LYN: variants seen among roughly 807,000 people sequenced by gnomAD.
LYN encodes the protein LYN proto-oncogene, Src family tyrosine kinase.
LYN carries 12 observed loss-of-function variants against 65.0 expected under a neutral mutation model. The observed-to-expected ratio is 0.18, with a 90% CI of 0.12 to 0.30. The LOEUF (loss-of-function observed/expected upper bound fraction) is 0.30. Among genes scored for constraint, LYN ranks in the 10% least tolerant of loss-of-function variants. LYN has a pLI of 1.00. For missense variants in LYN, 380 were observed against 623.2 expected, an observed-to-expected ratio of 0.61 and a Z score of 4.16; for synonymous variants, 222 against 221.2, an observed-to-expected ratio of 1.00 and a Z score of -0.03.
chr8:55,896,242 C>T (rs532209016), intron 1 of LYN, among the ~76,000 whole-genome samples: 14 of 151,328 alleles, frequency 9.3e-5, no homozygotes, highest in Non-Finnish European at 1.6e-4. Context: ...TGCACTCCAG[C>T]CTGGGTAGCA....
At chr8:55,936,400 G>A (rs1370941933) in intron 1 of LYN, among the ~76,000 whole-genome samples, 1 of 152,058 alleles carries the variant, frequency 6.6e-6, no homozygotes, top group Non-Finnish European at 1.5e-5. Flanking sequence ...AGCACTTTGG[G>A]AGGCTCACGT....
At chr8:55,924,184 A>G (rs1806026628) in intron 1 of LYN, among the ~76,000 whole-genome samples, 1 of 151,980 alleles carries the variant, frequency 6.6e-6, no homozygotes, top group Admixed American at 6.6e-5. Flanking sequence ...AGTACCTCTC[A>G]CGATGTGTGA....
intron 12 of LYN, among the ~76,000 whole-genome samples, chr8:56,003,078 G>A (rs1196247435): frequency 1.0e-5 from 1 of 95,544 alleles, no homozygotes; most frequent in Non-Finnish European, 2.1e-5. Context: ...TTTTTTTTTT[G>A]AGACAGAATC....
chr8:55,978,535 A>G lies in LYN; in HGVS notation c.1050+8742A>G, dbSNP rs116545958. Among the ~76,000 whole-genome samples the G allele has an allele frequency of 8.2e-3, 1,254 of 152,272 alleles. 22 individuals are homozygous for G. Among genetic ancestry groups the G allele is most frequent in the African/African-American group, 0.029 (1,202 of 41,538 alleles). On this transcript the variant is annotated intron_variant, in intron 10 of 12. Coordinates refer to ENST00000519728, the MANE Select transcript of LYN (RefSeq NM_002350.4). ...TAGGGGTCTGGGGCTAGAGGCTTCAAGGAGGCTGGTGCTGCAGACAGTCAT... is the reference window on the plus strand; with the variant it reads ...TAGGGGTCTGGGGCTAGAGGCTTCAGGGAGGCTGGTGCTGCAGACAGTCAT...
rs1474955849 is a variant in LYN, at chr8:55,942,347, ATATATATGTG to A, written c.132+364_132+373del. Reference sequence around the variant, plus strand: ...TATATATGTGTATATATATATGTGTATATATATGTGTATATATATGTGTATATATATGTGT... The same window carrying A: ...TATATATGTGTATATATATATGTGTATATATATATGTGTATATATATGTGT... On this transcript the variant is annotated intron_variant, in intron 2 of 12. Transcript: ENST00000519728. Among the ~76,000 whole-genome samples the A allele has an allele frequency of 7.8e-4, 114 of 145,762 alleles. 1 individual carries two copies. The highest frequency in any genetic ancestry group is 3.6e-3 in the Middle Eastern group (1 of 276).
intron 1 of LYN, 78 bp from the exon 2 acceptor site, chr8:55,941,775 CTT>C: frequency 2.0e-6 from 2 of 1,023,840 alleles, no homozygotes; most frequent in Non-Finnish European, 2.9e-6. Flanking sequence ...TTTTTCTACT[CTT>C]TTTTATTGGA....
chr8:55,986,878 A>G (rs1396315473), intron 10 of LYN, among the ~76,000 whole-genome samples: 1 of 152,156 alleles, frequency 6.6e-6, no homozygotes, highest in Non-Finnish European at 1.5e-5. Flanking sequence ...AGCATGTGCC[A>G]CTACACCCGG....
intron 1 of LYN, among the ~76,000 whole-genome samples, chr8:55,916,213 G>A (rs1661990733): frequency 6.6e-6 from 1 of 152,060 alleles, no homozygotes; most frequent in Non-Finnish European, 1.5e-5. Context: ...GTATTTGATT[G>A]GTTTTAAAGA....
intron 1 of LYN, among the ~76,000 whole-genome samples, chr8:55,892,715 G>T (rs540764513): frequency 6.6e-6 from 1 of 152,200 alleles, no homozygotes; most frequent in East Asian, 1.9e-4. Context: ...GCCAAAGAAA[G>T]AATATTTCTG....
At chr8:55,952,784 T>TTG (rs1051933037) in intron 7 of LYN, among the ~76,000 whole-genome samples, 16 of 152,030 alleles carry the variant, frequency 1.1e-4, no homozygotes, top group East Asian at 3.9e-4. Context: ...AGATCTGTGT[T>TTG]TGTGTGTGTG....
chr8:55,885,668 C>A (rs561895043), intron 1 of LYN, among the ~76,000 whole-genome samples: 1 of 152,174 alleles, frequency 6.6e-6, no homozygotes. Flanking sequence ...TTAACCCCCA[C>A]GGAGGTGAGG....
At chr8:55,887,163 A>ACGGCCAGG (rs1804820754) in intron 1 of LYN, among the ~76,000 whole-genome samples, 1 of 152,264 alleles carries the variant, frequency 6.6e-6, no homozygotes, top group African/African-American at 2.4e-5. Flanking sequence ...AAAGCTGAAC[A>ACGGCCAGG]CGGCCAGGCG....
At chr8:55,901,066 G>A (rs1230458423) in intron 1 of LYN, among the ~76,000 whole-genome samples, 2 of 152,086 alleles carry the variant, frequency 1.3e-5, no homozygotes, top group Admixed American at 6.6e-5. Context: ...TGGTTTATTG[G>A]GAAGTGATGT....
In LYN at chr8:55,947,569, C is replaced by T. The variant is rs374212653; in HGVS notation, c.179-49C>T. ...TTGTGCCCCATGAGGTTTGTTAAAA[C>T]GCTTCTGCTGATGGATTCTTACAGG... On this transcript the variant is annotated intron_variant, in intron 3 of 12. Transcript: ENST00000519728. The T allele has an allele frequency of 1.2e-4, 168 of 1,376,242 alleles. No individual in the cohort carries two copies. The African/African-American group carries it at 1.3e-3, about 11-fold the overall frequency. 85.3% of individuals were successfully genotyped at this position (1,376,242 alleles called of 1,614,324 possible).
At chr8:55,882,747 A>G (rs1263629851) in intron 1 of LYN, among the ~76,000 whole-genome samples, 1 of 152,092 alleles carries the variant, frequency 6.6e-6, no homozygotes, top group Non-Finnish European at 1.5e-5. Context: ...TTTCATTTGA[A>G]CCTCTTGTGG....
chr8:55,952,479 G>A (rs927839763), intron 7 of LYN, among the ~76,000 whole-genome samples: 1 of 152,192 alleles, frequency 6.6e-6, no homozygotes, highest in African/African-American at 2.4e-5. Context: ...AGAATCACTT[G>A]AACACAGGAG....
chr8:55,922,888 G>A lies in LYN; in HGVS notation c.-5-18967G>A, dbSNP rs145958484. On this transcript the variant is annotated intron_variant, in intron 1 of 12. Coordinates refer to ENST00000519728, the MANE Select transcript of LYN (RefSeq NM_002350.4). Reference sequence around the variant, plus strand: ...CAGCAACCTGGGATGGTTAGACGTAGCAGGGCTGTTGTAGCAATTAATATT... The same window carrying A: ...CAGCAACCTGGGATGGTTAGACGTAACAGGGCTGTTGTAGCAATTAATATT... Among the ~76,000 whole-genome samples, 395 of 152,308 alleles carry A rather than the reference G, an allele frequency of 2.6e-3. 1 individual carries two copies. The highest frequency in any genetic ancestry group is 9.2e-3 in the African/African-American group (381 of 41,574).
chr8:55,924,068 T>C lies in LYN; in HGVS notation c.-5-17787T>C, dbSNP rs376521113. Among the ~76,000 whole-genome samples the C allele has an allele frequency of 4.0e-5, 6 of 151,524 alleles. No individual in the cohort carries two copies. The East Asian group carries it at 9.6e-4, about 24-fold the overall frequency. ...TACTTGTTTTTTCTTTTTCTTTCTT[T>C]TTTTTTTTTATTATAGCAACCACAG... is the stretch of plus-strand genomic sequence containing the variant. On this transcript the variant is annotated intron_variant, in intron 1 of 12. Coordinates refer to ENST00000519728, the MANE Select transcript of LYN (RefSeq NM_002350.4).
intron 10 of LYN, among the ~76,000 whole-genome samples, chr8:55,979,772 G>A (rs568750037): frequency 1.2e-4 from 18 of 152,158 alleles, no homozygotes; most frequent in Middle Eastern, 3.2e-3. Context: ...TCCTTGGTAT[G>A]GTTTCTAAGG....
Sources: allele counts gnomAD v4.1 joint callset (sites outside exome capture counted in the v4.1 genomes callset), GRCh38; gene constraint gnomAD v4.1.1; transcripts MANE v1.5; gene names NCBI Gene and HGNC (gene_info 2026-07-23, HGNC 2026-07-21).